The following PDE4B variants were observed in gnomAD, a reference collection of about 807,000 sequenced individuals.
PDE4B encodes 3',5'-cyclic-AMP phosphodiesterase 4B.
In PDE4B, 20 loss-of-function variants were observed where a neutral mutation model predicts 82.2. The ratio of observed to expected loss-of-function variants is 0.24; its 90% CI spans 0.17 to 0.35. The LOEUF (loss-of-function observed/expected upper bound fraction) is 0.35, where lower values mean the gene tolerates loss of function less well. Ranked by LOEUF, PDE4B falls within the 10% of genes least tolerant of loss-of-function variation. The pLI is 1.00. For missense variants in PDE4B, 655 were observed against 907.2 expected, an observed-to-expected ratio of 0.72 and a Z score of 3.57; for synonymous variants, 320 against 318.9, an observed-to-expected ratio of 1.00 and a Z score of -0.04.
chr1:66,195,026 G>C (rs1648170992), intron 3 of PDE4B, among the ~76,000 whole-genome samples: 1 of 152,040 alleles, frequency 6.6e-6, no homozygotes, highest in South Asian at 2.1e-4. Context: ...ACCAAACTTT[G>C]GTTTACAGCT....
In PDE4B at chr1:66,166,602, C is replaced by T. The variant is rs369761950; in HGVS notation, c.282-80858C>T. On this transcript the variant is annotated intron_variant, in intron 3 of 16. Transcript: ENST00000341517. ...TAAAAAAGTTAGCCGGGCATGGTGGCGTGCACCTGTAATCTAAGCTACTCA... is the reference window on the plus strand; with the variant it reads ...TAAAAAAGTTAGCCGGGCATGGTGGTGTGCACCTGTAATCTAAGCTACTCA... 3.9e-5 allele frequency among the ~76,000 whole-genome samples: 6 copies of T among 151,998 alleles called. No individual in the cohort carries two copies. In the South Asian group the frequency reaches 8.3e-4, roughly 21 times the overall value.
chr1:65,804,265 C>T (rs547785023), intron 1 of PDE4B, among the ~76,000 whole-genome samples: 33 of 152,280 alleles, frequency 2.2e-4, no homozygotes, highest in African/African-American at 7.9e-4. Context: ...TTGCTTTTCT[C>T]TGTGCTTTAT....
chr1:66,198,880 G>C (rs1372618776), intron 3 of PDE4B, among the ~76,000 whole-genome samples: 1 of 151,596 alleles, frequency 6.6e-6, no homozygotes, highest in East Asian at 1.9e-4. Context: ...TTGTCCTTGT[G>C]ATAGTTTTCT....
intron 1 of PDE4B, among the ~76,000 whole-genome samples, chr1:65,896,839 T>A (rs145461787): frequency 7.2e-4 from 110 of 152,332 alleles, no homozygotes; most frequent in African/African-American, 2.3e-3. Context: ...CCCTGGAGAC[T>A]GTGAAGCAGT....
intron 3 of PDE4B, among the ~76,000 whole-genome samples, chr1:66,233,353 A>G (rs1212916269): frequency 6.6e-6 from 1 of 152,120 alleles, no homozygotes; most frequent in Non-Finnish European, 1.5e-5. Flanking sequence ...CTGTATGGGT[A>G]TATCACAATT....
At chr1:65,882,107 G>C (rs1034446882) in intron 1 of PDE4B, among the ~76,000 whole-genome samples, 6 of 152,190 alleles carry the variant, frequency 3.9e-5, no homozygotes, top group Non-Finnish European at 1.5e-5. Context: ...GTGAGGCTCA[G>C]CCTTTCTGAG....
At chr1:65,884,821 C>T (rs1032448553) in intron 1 of PDE4B, among the ~76,000 whole-genome samples, 5 of 152,170 alleles carry the variant, frequency 3.3e-5, no homozygotes, top group South Asian at 2.1e-4. Context: ...ATGTCTAAAA[C>T]ACCAAAAGCA....
chr1:66,274,023 G>T (rs962556683), intron 7 of PDE4B, among the ~76,000 whole-genome samples: 3 of 152,238 alleles, frequency 2.0e-5, no homozygotes, highest in African/African-American at 7.2e-5. Flanking sequence ...ATACTATATT[G>T]TTCTCTTAGT....
At chr1:65,840,010 A>T (rs1380651566) in intron 1 of PDE4B, among the ~76,000 whole-genome samples, 1 of 152,070 alleles carries the variant, frequency 6.6e-6, no homozygotes, top group Non-Finnish European at 1.5e-5. Flanking sequence ...ATTTGCATTG[A>T]TTTTAAATAT....
chr1:66,200,435 G>C (rs1050945008), intron 3 of PDE4B, among the ~76,000 whole-genome samples: 1 of 152,142 alleles, frequency 6.6e-6, no homozygotes, highest in African/African-American at 2.4e-5. Context: ...ATTACCTTGG[G>C]CAGTATGGCC....
chr1:66,232,352 G>C (rs1230589843), intron 3 of PDE4B, among the ~76,000 whole-genome samples: 2 of 152,160 alleles, frequency 1.3e-5, no homozygotes, highest in Non-Finnish European at 2.9e-5. Flanking sequence ...TACATTTTCA[G>C]ACCTTTATCT....
rs189263530 is a variant in PDE4B, at chr1:66,144,103, G to T, written c.282-103357G>T. On this transcript the variant is annotated intron_variant, in intron 3 of 16. Coordinates refer to ENST00000341517, the MANE Select transcript of PDE4B (RefSeq NM_002600.4). ...AAAGTGAAAATAGTTGAGCAGAAAA[G>T]TTGAATGGAAGTTACAAGCCCTAAG... 2.1e-4 allele frequency among the ~76,000 whole-genome samples: 32 copies of T among 152,332 alleles called. 1 individual carries two copies. The East Asian group carries it at 3.3e-3, about 16-fold the overall frequency.
chr1:66,228,620 C>A (rs1570513486), intron 3 of PDE4B, among the ~76,000 whole-genome samples: 1 of 136,930 alleles, frequency 7.3e-6, no homozygotes, highest in African/African-American at 3.2e-5. Flanking sequence ...CAGAGCAAGA[C>A]TCCGTTAAAA....
intron 4 of PDE4B, among the ~76,000 whole-genome samples, chr1:66,249,495 G>A (rs1653584657): frequency 6.6e-6 from 1 of 152,044 alleles, no homozygotes; most frequent in Non-Finnish European, 1.5e-5. Flanking sequence ...TCATTATTTG[G>A]AATCAAAAGG....
intron 1 of PDE4B, among the ~76,000 whole-genome samples, chr1:65,884,006 C>T (rs1318300551): frequency 1.3e-5 from 2 of 152,102 alleles, no homozygotes; most frequent in Non-Finnish European, 2.9e-5. Context: ...AGGGATGAAG[C>T]CCACTTGATC....
chr1:65,825,557 C>A (rs1646003808), intron 1 of PDE4B, among the ~76,000 whole-genome samples: 1 of 151,932 alleles, frequency 6.6e-6, no homozygotes, highest in African/African-American at 2.4e-5. Context: ...TTGAAAACAT[C>A]TATTGGGGCC....
At chr1:66,285,139 G>A (rs2101794223) in intron 7 of PDE4B, among the ~76,000 whole-genome samples, 2 of 152,198 alleles carry the variant, frequency 1.3e-5, no homozygotes, top group South Asian at 4.2e-4. Flanking sequence ...GAATAGCATG[G>A]TGGTAGGGCA....
At chr1:65,959,197 G>A (rs1053011882) in intron 3 of PDE4B, among the ~76,000 whole-genome samples, 3 of 152,052 alleles carry the variant, frequency 2.0e-5, no homozygotes, top group Non-Finnish European at 2.9e-5. Flanking sequence ...TTGAAATTTA[G>A]TTTTGAAAAC....
intron 3 of PDE4B, among the ~76,000 whole-genome samples, chr1:66,129,717 T>A (rs1173437961): frequency 6.7e-6 from 1 of 148,908 alleles, no homozygotes; most frequent in Non-Finnish European, 1.5e-5. Flanking sequence ...AACCTCTCTG[T>A]AAAATGGGGA....
Sources: gnomAD v4.1 joint callset for allele counts (sites outside exome capture counted in the v4.1 genomes callset) on GRCh38, gnomAD v4.1.1 for gene constraint, MANE v1.5 for transcripts, NCBI Gene and HGNC (gene_info 2026-07-23, HGNC 2026-07-21) for gene names.